Variants in EPHA4 observed in about 807,000 individuals in gnomAD.
EPHA4 encodes ephrin type-A receptor 4.
A neutral mutation model predicts 108.3 loss-of-function variants in EPHA4; 19 were observed. That is an observed-to-expected ratio of 0.18 (90% CI 0.12 to 0.26). The LOEUF (loss-of-function observed/expected upper bound fraction) is 0.26, where lower values mean the gene tolerates loss of function less well. Ranked by LOEUF, EPHA4 falls within the 10% of genes least tolerant of loss-of-function variation. The pLI is 1.00. For missense variants in EPHA4, 917 were observed against 1,254.0 expected, an observed-to-expected ratio of 0.73 and a Z score of 4.06; for synonymous variants, 449 against 455.5, an observed-to-expected ratio of 0.99 and a Z score of 0.18.
chr2:221,422,360 A>G (rs1380447856), intron 17 of EPHA4, among the ~76,000 whole-genome samples: 1 of 152,216 alleles, frequency 6.6e-6, no homozygotes, highest in East Asian at 1.9e-4. Context: ...CTGCGGACAC[A>G]CAAGGTTGGT....
chr2:221,566,925 G>A (rs1694670438), intron 2 of EPHA4, among the ~76,000 whole-genome samples: 2 of 63,502 alleles, frequency 3.1e-5, no homozygotes, highest in South Asian at 4.8e-4. Flanking sequence ...AGAAGGAGAA[G>A]GAGAAGGAGA....
intron 2 of EPHA4, among the ~76,000 whole-genome samples, chr2:221,565,548 C>A (rs1559296394): frequency 2.0e-5 from 3 of 152,142 alleles, no homozygotes; most frequent in African/African-American, 7.2e-5. Context: ...AAGCTCCATG[C>A]AGTCCAGTGA....
intron 3 of EPHA4, among the ~76,000 whole-genome samples, chr2:221,522,572 T>C (rs1023173125): frequency 6.6e-6 from 1 of 152,152 alleles, no homozygotes; most frequent in Non-Finnish European, 1.5e-5. Context: ...GCTTACCTAA[T>C]AAATTCCCAC....
rs77918911 is a variant in EPHA4 at position 221,488,183 on chromosome 2, C to T, written c.980-5493G>A. On this transcript the variant is annotated intron_variant, in intron 4 of 17. Transcript: ENST00000281821. ...AAACTTATTTGCAAAAATAGGTGGC[C>T]GTTAAAATTGACCTTCAGACCATTT... Among the ~76,000 whole-genome samples the T allele has an allele frequency of 7.8e-3, 1,181 of 152,156 alleles. 12 individuals are homozygous for T. The highest frequency in any genetic ancestry group is 0.026 in the South Asian group (123 of 4,818).
intron 5 of EPHA4, among the ~76,000 whole-genome samples, chr2:221,478,773 C>T (rs937818033): frequency 2.6e-5 from 4 of 151,794 alleles, no homozygotes; most frequent in South Asian, 4.2e-4. Flanking sequence ...CACAGAGTGT[C>T]CTTCCAACAA....
intron 3 of EPHA4, among the ~76,000 whole-genome samples, chr2:221,558,546 C>T (rs1355415869): frequency 1.3e-5 from 2 of 152,064 alleles, no homozygotes; most frequent in African/African-American, 4.8e-5. Flanking sequence ...AGGCTTTTTC[C>T]TAGAGGCTCA....
intron 3 of EPHA4, among the ~76,000 whole-genome samples, chr2:221,526,852 C>CAAA (rs528335766): frequency 8.2e-5 from 4 of 48,618 alleles, no homozygotes; most frequent in African/African-American, 2.5e-4. Flanking sequence ...GACTCGGCCT[C>CAAA]AAAAAAAAAA....
chr2:221,438,464 GAAAAT>G (rs897415879), intron 11 of EPHA4, among the ~76,000 whole-genome samples: 5 of 151,998 alleles, frequency 3.3e-5, no homozygotes, highest in Non-Finnish European at 7.4e-5. Flanking sequence ...TCCTTTGGAA[GAAAAT>G]AAAATGTCAG....
At chr2:221,555,265 T>C (rs1041972441) in intron 3 of EPHA4, among the ~76,000 whole-genome samples, 2 of 152,180 alleles carry the variant, frequency 1.3e-5, no homozygotes, top group African/African-American at 4.8e-5. Context: ...CGAATTAATT[T>C]GCATGGTGTC....
At chr2:221,424,712 GA>G (rs1689849104) in intron 17 of EPHA4, among the ~76,000 whole-genome samples, 1 of 152,188 alleles carries the variant, frequency 6.6e-6, no homozygotes, top group African/African-American at 2.4e-5. Flanking sequence ...CCTGTTTGGG[GA>G]TGGAGTTTCC....
At chr2:221,516,650 C>T (rs949408187) in intron 3 of EPHA4, among the ~76,000 whole-genome samples, 4 of 152,172 alleles carry the variant, frequency 2.6e-5, no homozygotes, top group African/African-American at 7.2e-5. Context: ...CCATGCCCGA[C>T]CTAGATTCAG....
rs185709937 is a variant in EPHA4 at position 221,522,378 on chromosome 2, A to T, written c.824-21206T>A. Among the ~76,000 whole-genome samples the T allele has an allele frequency of 2.2e-3, 340 of 152,362 alleles. 2 individuals are homozygous for T. Among genetic ancestry groups the T allele is most frequent in the African/African-American group, 7.6e-3 (315 of 41,582 alleles). ...TGAGAACTGCACAGGGAAGTGACAA[A>T]GACGAAGTTAAGCTGTAGGATTGGT... On this transcript the variant is annotated intron_variant, in intron 3 of 17. Coordinates refer to ENST00000281821, the MANE Select transcript of EPHA4 (RefSeq NM_004438.5).
intron 2 of EPHA4, among the ~76,000 whole-genome samples, chr2:221,565,344 C>G (rs1318031286): frequency 6.6e-6 from 1 of 152,110 alleles, no homozygotes; most frequent in Non-Finnish European, 1.5e-5. Flanking sequence ...TAAAAATAAT[C>G]CGAAAAGCAG....
At chr2:221,445,730 T>C (rs571577184) in intron 9 of EPHA4, among the ~76,000 whole-genome samples, 1 of 152,164 alleles carries the variant, frequency 6.6e-6, no homozygotes, top group Non-Finnish European at 1.5e-5. Flanking sequence ...ATATCACATA[T>C]AGCCATTCCC....
intron 3 of EPHA4, among the ~76,000 whole-genome samples, chr2:221,553,926 G>C (rs1011512400): frequency 6.6e-6 from 1 of 152,178 alleles, no homozygotes; most frequent in African/African-American, 2.4e-5. Context: ...CTGTACCACA[G>C]CTTTGTACTG....
intron 3 of EPHA4, among the ~76,000 whole-genome samples, chr2:221,538,060 A>G (rs1229889263): frequency 9.9e-6 from 1 of 101,088 alleles, no homozygotes; most frequent in Non-Finnish European, 2.0e-5. Context: ...TATACTGCCC[A>G]GCAAAACTGA....
intron 3 of EPHA4, among the ~76,000 whole-genome samples, chr2:221,552,327 T>C (rs1330271413): frequency 1.3e-5 from 2 of 152,180 alleles, no homozygotes; most frequent in African/African-American, 2.4e-5. Context: ...TCTCCATAAT[T>C]ACATGAACGG....
intron 1 of EPHA4, 99 bp downstream of exon 1, chr2:221,572,058 TG>T: frequency 2.0e-6 from 2 of 987,868 alleles, no homozygotes; most frequent in Non-Finnish European, 3.2e-6. Context: ...CCATTCACAC[TG>T]GGCTCCCCCC....
At chr2:221,431,885 A>C (rs1690087897) in intron 14 of EPHA4, among the ~76,000 whole-genome samples, 1 of 152,200 alleles carries the variant, frequency 6.6e-6, no homozygotes, top group South Asian at 2.1e-4. Context: ...AAAACTTGCT[A>C]AGTTTGACAT....
Sources: allele counts gnomAD v4.1 joint callset (sites outside exome capture counted in the v4.1 genomes callset), GRCh38; gene constraint gnomAD v4.1.1; transcripts MANE v1.5; gene names NCBI Gene and HGNC (gene_info 2026-07-23, HGNC 2026-07-21).